TTLL9: variants seen among roughly 807,000 people sequenced by gnomAD.
The protein encoded by TTLL9 is probable tubulin polyglutamylase TTLL9.
A neutral mutation model predicts 65.6 loss-of-function variants in TTLL9; 47 were observed. The ratio of observed to expected loss-of-function variants is 0.72; its 90% CI spans 0.57 to 0.91. The LOEUF (loss-of-function observed/expected upper bound fraction) is 0.91, where lower values mean the gene tolerates loss of function less well. Among genes scored for constraint, TTLL9 ranks in the 40% least tolerant of loss-of-function variants. The probability of loss-of-function intolerance (pLI) is 0.00; values close to 1 mark genes in which losing one functional copy is unlikely to be tolerated. For missense variants in TTLL9, 537 were observed against 568.8 expected, an observed-to-expected ratio of 0.94 and a Z score of 0.57; for synonymous variants, 179 against 204.8, an observed-to-expected ratio of 0.87 and a Z score of 1.07.
chr20:31,908,712 G>C lies in TTLL9; in HGVS notation c.318+10G>C. The C allele has an allele frequency of 6.2e-7, 1 of 1,607,930 alleles. No homozygotes were observed. Among genetic ancestry groups the C allele is most frequent in the Non-Finnish European group, 8.5e-7 (1 of 1,174,630 alleles). ...CCGGAACCACTATGAGGTGAGCTGG[G>C]CAGGCGGGAGGGACTGTGCCAACCA... On this transcript the variant is annotated intron_variant, in intron 5 of 14. Transcript: ENST00000535842.
chr20:31,934,693 G>A lies in TTLL9; in HGVS notation c.809G>A (p.Gly270Asp). The change falls in exon 12 of 15, where the codon GGC becomes GAC. Residue 270 changes from glycine to aspartate, a missense_variant and splice_region_variant. Transcript: ENST00000535842. ...KTSPDYHPKK[G>D]CKWTLQRFRQ... Reference sequence around the variant, plus strand: ...TCGACCCGGCTGCCCGGGGCCCAGGGCTGCAAGTGGACGCTGCAGCGCTTC... The same window carrying A: ...TCGACCCGGCTGCCCGGGGCCCAGGACTGCAAGTGGACGCTGCAGCGCTTC... The A allele has an allele frequency of 1.2e-6, 2 of 1,609,546 alleles. No individual in the cohort carries two copies. Among genetic ancestry groups the A allele is most frequent in the Non-Finnish European group, 1.7e-6 (2 of 1,178,492 alleles).
At chr20:31,871,498 C>T (rs1453610284) in intron 2 of TTLL9, among the ~76,000 whole-genome samples, 1 of 152,196 alleles carries the variant, frequency 6.6e-6, no homozygotes, top group Non-Finnish European at 1.5e-5. Context: ...CAGCTTTGTT[C>T]CTTCAGCCAT....
chr20:31,907,473 G>A (rs1378749473), intron 4 of TTLL9, among the ~76,000 whole-genome samples: 1 of 152,206 alleles, frequency 6.6e-6, no homozygotes, highest in African/African-American at 2.4e-5. Context: ...TATAATCCCA[G>A]CACTTTGGGA....
chr20:31,925,888 G>A (rs1254628717), intron 9 of TTLL9, 161 bp from the exon 10 acceptor site: 3 of 1,551,558 alleles, frequency 1.9e-6, no homozygotes, highest in Non-Finnish European at 2.6e-6. Context: ...CCCGCTGCGG[G>A]CCTGGCTCTA....
rs190584220 is a variant in TTLL9, at chr20:31,910,488, C to G, written c.504+566C>G. Reference sequence around the variant, plus strand: ...TCAGGAGAGGGATCCACAGGAGGCTCTTCCTGGCTGGGCAGGCTTCTCTGA... The same window carrying G: ...TCAGGAGAGGGATCCACAGGAGGCTGTTCCTGGCTGGGCAGGCTTCTCTGA... On this transcript the variant is annotated intron_variant, in intron 6 of 14. Transcript: ENST00000535842. Among the ~76,000 whole-genome samples the G allele has an allele frequency of 2.0e-5, 3 of 152,300 alleles. No individual in the cohort carries two copies. The East Asian group carries it at 5.8e-4, about 29-fold the overall frequency.
chr20:31,887,328 T>C, intron 3 of TTLL9, 89 bp downstream of exon 3: 1 of 1,365,096 alleles, frequency 7.3e-7, no homozygotes, highest in Non-Finnish European at 1.0e-6. Flanking sequence ...CTTTTCTACT[T>C]CAACAATTAT....
At chr20:31,902,884 G>T (rs771745958) in intron 4 of TTLL9, among the ~76,000 whole-genome samples, 42 of 152,032 alleles carry the variant, frequency 2.8e-4, no homozygotes, top group Non-Finnish European at 4.7e-4. Flanking sequence ...TTTATTTAGA[G>T]AAAGGGTCTC....
At chr20:31,872,494 T>C (rs1473503572) in intron 2 of TTLL9, among the ~76,000 whole-genome samples, 4 of 146,952 alleles carry the variant, frequency 2.7e-5, no homozygotes, top group Admixed American at 6.8e-5. Context: ...CTGGGAAACA[T>C]AGGGAGACCC....
rs1335430190 is a variant in TTLL9, at chr20:31,871,116, C to G, written c.-5-6C>G. The G allele has an allele frequency of 1.2e-6, 2 of 1,613,874 alleles. No homozygotes were observed. The highest frequency in any genetic ancestry group is 1.3e-5 in the African/African-American group (1 of 75,030). On this transcript the variant is annotated splice_polypyrimidine_tract_variant and splice_region_variant and intron_variant, in intron 1 of 14. Coordinates refer to ENST00000535842, the MANE Select transcript of TTLL9 (RefSeq NM_001008409.5). ...ACTCCTTCCTTCCATCCATTTCGGC[C>G]CCTAGGAGGGATGGTGCCATCCAGG...
intron 11 of TTLL9, chr20:31,934,317 C>T (rs1365841277): frequency 1.9e-6 from 1 of 515,560 alleles, no homozygotes; most frequent in Non-Finnish European, 3.7e-6. Flanking sequence ...CTCTTCCCTC[C>T]CCAGCTCCAT....
intron 4 of TTLL9, among the ~76,000 whole-genome samples, chr20:31,904,079 G>A (rs2063515071): frequency 6.6e-6 from 1 of 152,168 alleles, no homozygotes; most frequent in African/African-American, 2.4e-5. Flanking sequence ...TTCTCACCAT[G>A]AGGTTATGCA....
intron 4 of TTLL9, among the ~76,000 whole-genome samples, chr20:31,901,065 G>T (rs1264507805): frequency 6.6e-6 from 1 of 152,204 alleles, no homozygotes; most frequent in Non-Finnish European, 1.5e-5. Context: ...GCTGGGTCTG[G>T]AATTTCCAGA....
intron 2 of TTLL9, among the ~76,000 whole-genome samples, chr20:31,882,470 C>T (rs182985996): frequency 1.7e-4 from 26 of 152,280 alleles, no homozygotes; most frequent in Admixed American, 1.6e-3. Context: ...GTGGCAATGT[C>T]ACCAGCCTAT....
chr20:31,886,967 AG>A (rs1444527843), intron 2 of TTLL9, among the ~76,000 whole-genome samples: 12 of 152,214 alleles, frequency 7.9e-5, no homozygotes, highest in Non-Finnish European at 1.5e-4. Context: ...ACCTGCAGTA[AG>A]GTGGTACCTT....
intron 4 of TTLL9, 113 bp from the exon 5 acceptor site, chr20:31,908,467 AGACTCTAGAGG>A (rs1304055649): frequency 7.6e-6 from 5 of 653,712 alleles, no homozygotes; most frequent in Non-Finnish European, 1.4e-5. Flanking sequence ...CACCTCCAAG[AGACTCTAGAGG>A]GACACAGTGC....
At chr20:31,888,790 CA>C (rs1414950312) in intron 3 of TTLL9, among the ~76,000 whole-genome samples, 1 of 152,238 alleles carries the variant, frequency 6.6e-6, no homozygotes, top group South Asian at 2.1e-4. Flanking sequence ...AGGCATGTCA[CA>C]CGGCAAGAGT....
At chr20:31,921,098 G>A (rs2063809921) in intron 7 of TTLL9, among the ~76,000 whole-genome samples, 1 of 152,186 alleles carries the variant, frequency 6.6e-6, no homozygotes, top group Non-Finnish European at 1.5e-5. Flanking sequence ...GCTCTCCAAT[G>A]CGGTGACCAC....
At chr20:31,873,801 G>GAAAGAAAGAAAGAAA in intron 2 of TTLL9, among the ~76,000 whole-genome samples, 1 of 85,648 alleles carries the variant, frequency 1.2e-5, no homozygotes, top group Non-Finnish European at 2.3e-5. Flanking sequence ...AGAAAGGAAG[G>GAAAGAAAGAAAGAAA]AAGGAAGGAA....
intron 10 of TTLL9, among the ~76,000 whole-genome samples, chr20:31,932,471 C>CAAAAAAAAAAA (rs58783829): frequency 9.3e-5 from 8 of 86,470 alleles, no homozygotes; most frequent in Admixed American, 2.4e-4. Context: ...GACCCTGTCT[C>CAAAAAAAAAAA]AAAAAAAAAA....
Sources: allele counts gnomAD v4.1 joint callset (sites outside exome capture counted in the v4.1 genomes callset), GRCh38; gene constraint gnomAD v4.1.1; transcripts MANE v1.5; gene names NCBI Gene and HGNC (gene_info 2026-07-23, HGNC 2026-07-21).